Variants in PTBP2 observed in about 807,000 individuals in gnomAD.
The protein encoded by PTBP2 is polypyrimidine tract-binding protein 2.
PTBP2 carries 13 observed loss-of-function variants against 61.4 expected under a neutral mutation model. That is an observed-to-expected ratio of 0.21 (90% CI 0.14 to 0.34). The LOEUF (loss-of-function observed/expected upper bound fraction) is 0.34, where lower values mean the gene tolerates loss of function less well. PTBP2 is among the 10% of genes least tolerant of loss of function. The pLI, the probability that PTBP2 is intolerant of heterozygous loss-of-function variation, is 1.00. For missense variants in PTBP2, 405 were observed against 642.6 expected (o/e 0.63, Z 4.00); for synonymous variants, 215 against 218.5 (o/e 0.98, Z 0.14).
rs536110857 is a variant in PTBP2, at chr1:96,783,450, T to C, written c.709-1609T>C. ...AACAATTGGCATATTCATTGTTAGA[T>C]AATTTGGCAGTCGGACCTCAGTATT... On this transcript the variant is annotated intron_variant, in intron 7 of 13. Coordinates refer to ENST00000674951, the MANE Select transcript of PTBP2 (RefSeq NM_021190.4). 3.9e-5 allele frequency among the ~76,000 whole-genome samples: 6 copies of C among 152,180 alleles called. No individual in the cohort carries two copies. In the East Asian group the frequency reaches 1.2e-3, roughly 29 times the overall value.
At chr1:96,786,269 AT>A (rs1257323236) in intron 8 of PTBP2, among the ~76,000 whole-genome samples, 1 of 152,180 alleles carries the variant, frequency 6.6e-6, no homozygotes. Context: ...GGCAGTTGGT[AT>A]TTGATTCTGG....
At chr1:96,752,793 CA>C (rs1382545878) in intron 3 of PTBP2, among the ~76,000 whole-genome samples, 1 of 151,588 alleles carries the variant, frequency 6.6e-6, no homozygotes, top group Middle Eastern at 3.2e-3. Context: ...CCCCCAAAAC[CA>C]AAAAGTATGT....
chr1:96,762,186 C>A (rs1275424683), intron 3 of PTBP2, among the ~76,000 whole-genome samples: 1 of 150,986 alleles, frequency 6.6e-6, no homozygotes, highest in East Asian at 2.0e-4. Flanking sequence ...ACCTTTCCCC[C>A]CTTTCTATTC....
intron 11 of PTBP2, among the ~76,000 whole-genome samples, chr1:96,809,270 A>G (rs1206239862): frequency 6.6e-6 from 1 of 152,218 alleles, no homozygotes; most frequent in East Asian, 1.9e-4. Context: ...CAATACAATT[A>G]CCTTAACAGA....
Position 96,770,822 on chromosome 1 carries a change from G to C in PTBP2, c.403G>C (p.Glu135Gln), listed in dbSNP as rs757337993. The C allele has an allele frequency of 1.3e-6, 2 of 1,583,802 alleles. No homozygotes were observed. The highest frequency in any genetic ancestry group is 1.7e-6 in the Non-Finnish European group (2 of 1,152,946). Reference sequence around the variant, plus strand: ...ATATATCCAGTACTCGAATCACAAAGAACTAAAGACAGATAATACATTAAA... The same window carrying C: ...ATATATCCAGTACTCGAATCACAAACAACTAAAGACAGATAATACATTAAA... ...PIYIQYSNHK[E>Q]LKTDNTLNQR... The change falls in exon 5 of 14, where the codon GAA becomes CAA. Residue 135 changes from glutamate (E) to glutamine (Q), a missense_variant. Glu to Gln is a conservative substitution (Grantham distance 29). Transcript: ENST00000674951.
chr1:96,725,643 ATAAT>A (rs1012946778), intron 2 of PTBP2, among the ~76,000 whole-genome samples: 10 of 152,312 alleles, frequency 6.6e-5, no homozygotes, highest in Admixed American at 2.0e-4. Flanking sequence ...AAAAGTCTGA[ATAAT>A]TAAAGTTAAT....
In PTBP2 at chr1:96,792,313, A is replaced by G. The variant is rs1659936479; in HGVS notation, c.904+7059A>G. ...TAGCCCTTTACAAGTAAGTTAATAC[A>G]TCATCTCTAAATGTAGTTACCATTA... On this transcript the variant is annotated intron_variant, in intron 8 of 13. Transcript: ENST00000674951. Among the ~76,000 whole-genome samples the G allele has an allele frequency of 2.0e-5, 3 of 152,196 alleles. No homozygotes were observed. The South Asian group carries it at 6.2e-4, about 32-fold the overall frequency.
intron 2 of PTBP2, among the ~76,000 whole-genome samples, chr1:96,732,710 T>A (rs1466333163): frequency 6.6e-6 from 1 of 152,204 alleles, no homozygotes; most frequent in African/African-American, 2.4e-5. Context: ...CTCAGAATAG[T>A]GGTCTGTGAC....
chr1:96,751,177 T>G, intron 2 of PTBP2: 1 of 525,428 alleles, frequency 1.9e-6, no homozygotes, highest in Non-Finnish European at 3.4e-6. Flanking sequence ...GCTTATAGAA[T>G]CTAATCACTT....
chr1:96,731,776 A>G (rs1225002917), intron 2 of PTBP2, among the ~76,000 whole-genome samples: 2 of 152,110 alleles, frequency 1.3e-5, no homozygotes, highest in Non-Finnish European at 2.9e-5. Context: ...AGTTTGTAAT[A>G]GGAGATTTGT....
At chr1:96,743,121 C>G (rs1653270305) in intron 2 of PTBP2, among the ~76,000 whole-genome samples, 1 of 151,788 alleles carries the variant, frequency 6.6e-6, no homozygotes, top group Non-Finnish European at 1.5e-5. Context: ...CCTGTCTCTA[C>G]TAAAAATACG....
Position 96,806,946 on chromosome 1 carries a change from C to T in PTBP2, c.1159C>T (p.Gln387Ter). ...TCTAATACAGATGGCTGATGGAAAC[C>T]AATCACAACTTGGTAAGATTAAACT... ...SALIQMADGN[Q>*]SQLAMNHLNG... Residue 387 changes from glutamine to a stop codon, truncating the protein, a stop_gained, in exon 11 of 14, where the codon CAA becomes TAA. Coordinates refer to ENST00000674951, the MANE Select transcript of PTBP2 (RefSeq NM_021190.4). LOFTEE classifies it high-confidence loss of function. The T allele has an allele frequency of 6.2e-7, 1 of 1,605,032 alleles. No homozygotes were observed. The highest frequency in any genetic ancestry group is 8.5e-7 in the Non-Finnish European group (1 of 1,175,734).
Position 96,813,460 on chromosome 1 carries a change from TTGAC to T in PTBP2, c.*58_*61del, listed in dbSNP as rs1662263849. 11 of 1,436,612 alleles carry T rather than the reference TTGAC, an allele frequency of 7.7e-6. No individual in the cohort carries two copies. The highest frequency in any genetic ancestry group is 8.3e-6 in the Non-Finnish European group (9 of 1,080,270). 89.0% of individuals were successfully genotyped at this position (1,436,612 alleles called of 1,614,324 possible). A position where few individuals can be genotyped will look rare whatever the true frequency, so the allele number is the denominator to read the frequency against. On this transcript the variant is annotated 3_prime_UTR_variant, in exon 14 of 14. Transcript: ENST00000674951. ...CACATTGTTCAATGTCATCACCTATTTGACTGTTCAGAAAAGTGGGGACCAGAGT... is the reference window on the plus strand; with the variant it reads ...CACATTGTTCAATGTCATCACCTATTTGTTCAGAAAAGTGGGGACCAGAGT...
At chr1:96,750,916 CT>C (rs1460062224) in intron 2 of PTBP2, among the ~76,000 whole-genome samples, 5 of 151,976 alleles carry the variant, frequency 3.3e-5, no homozygotes, top group Non-Finnish European at 7.4e-5. Flanking sequence ...AAAGAAATCT[CT>C]TCATTCCAAA....
chr1:96,736,508 C>G (rs911188508), intron 2 of PTBP2, among the ~76,000 whole-genome samples: 5 of 151,930 alleles, frequency 3.3e-5, no homozygotes, highest in Admixed American at 2.0e-4. Context: ...GAGCACTTGA[C>G]ATGTATGTAG....
rs913332733 is a variant in PTBP2, at chr1:96,730,325, T to C, written c.39+6731T>C. On this transcript the variant is annotated intron_variant, in intron 2 of 13. Transcript: ENST00000674951. The stretch of plus-strand genomic sequence containing the variant: ...GTCATTAACTTAGTACTTTTACTTA[T>C]ATAGGGATTTATTGCTGTATGTTTC... 6.7e-4 allele frequency among the ~76,000 whole-genome samples: 102 copies of C among 152,308 alleles called. 2 individuals are homozygous for C. Among genetic ancestry groups the C allele is most frequent in the East Asian group, 3.9e-4 (2 of 5,178 alleles).
intron 11 of PTBP2, among the ~76,000 whole-genome samples, chr1:96,808,399 CAT>C (rs1334600101): frequency 2.6e-5 from 4 of 152,118 alleles, no homozygotes; most frequent in African/African-American, 7.2e-5. Flanking sequence ...CCTGTGTCCT[CAT>C]GTGGCCTTTC....
chr1:96,737,341 C>G (rs1013140011), intron 2 of PTBP2, among the ~76,000 whole-genome samples: 1 of 152,102 alleles, frequency 6.6e-6, no homozygotes, highest in Non-Finnish European at 1.5e-5. Context: ...TACTACGTTT[C>G]TTTTGGACAG....
At chr1:96,798,062 C>T (rs1445335258) in intron 8 of PTBP2, among the ~76,000 whole-genome samples, 13 of 137,118 alleles carry the variant, frequency 9.5e-5, no homozygotes, top group Admixed American at 3.0e-4. Flanking sequence ...GGCGACAGAG[C>T]GAGACTCTGT....
Sources: allele counts gnomAD v4.1 joint callset (sites outside exome capture counted in the v4.1 genomes callset), GRCh38; gene constraint gnomAD v4.1.1; transcripts MANE v1.5; gene names NCBI Gene and HGNC (gene_info 2026-07-23, HGNC 2026-07-21).